PHF21A: variants seen among roughly 807,000 people sequenced by gnomAD.
The protein encoded by PHF21A is BHC80a.
In PHF21A, 11 loss-of-function variants were observed where a neutral mutation model predicts 82.5. That is an observed-to-expected ratio of 0.13 (90% CI 0.08 to 0.22). PHF21A has a LOEUF of 0.22. Among genes scored for constraint, PHF21A ranks in the 10% least tolerant of loss-of-function variants. PHF21A has a pLI of 1.00. For missense variants in PHF21A, 579 were observed against 837.8 expected (o/e 0.69, Z 3.81); for synonymous variants, 297 against 302.8 (o/e 0.98, Z 0.20).
intron 1 of PHF21A, among the ~76,000 whole-genome samples, chr11:46,114,780 A>G (rs2136107050): frequency 6.6e-6 from 1 of 152,336 alleles, no homozygotes; most frequent in Admixed American, 6.5e-5. Context: ...ATGGTTAACA[A>G]TACTTGGATC....
chr11:45,946,230 G>A lies in PHF21A; in HGVS notation c.1289-227C>T, dbSNP rs1028060707. 25 of 955,218 alleles carry A rather than the reference G, an allele frequency of 2.6e-5. No homozygotes were observed. The South Asian group carries it at 3.1e-4, about 12-fold the overall frequency. The allele number at this position is 955,218 out of a possible 1,614,324, so 59.2% of individuals were successfully genotyped here. Reference sequence around the variant, plus strand: ...TCTCAAGAGAAGGGAGGATAAGAGAGCTCTGGAGAATGACAGAAGGTGCTG... The same window carrying A: ...TCTCAAGAGAAGGGAGGATAAGAGAACTCTGGAGAATGACAGAAGGTGCTG... On this transcript the variant is annotated intron_variant, in intron 14 of 18. Transcript: ENST00000676320.
At chr11:46,013,469 A>C (rs61882514) in intron 6 of PHF21A, among the ~76,000 whole-genome samples, 19,418 of 152,138 alleles carry the variant, frequency 0.13, 1,569 homozygotes, top group African/African-American at 0.24. Flanking sequence ...TTTGGGCCTC[A>C]GCTGACCGTG....
intron 6 of PHF21A, among the ~76,000 whole-genome samples, chr11:46,040,776 C>T (rs2096118476): frequency 6.6e-6 from 1 of 152,042 alleles, no homozygotes; most frequent in Non-Finnish European, 1.5e-5. Context: ...TCTTATAACA[C>T]TGATTCTTTC....
intron 7 of PHF21A, 152 bp downstream of exon 7, chr11:45,979,608 T>C: frequency 9.7e-7 from 1 of 1,033,804 alleles, no homozygotes; most frequent in Non-Finnish European, 1.4e-6. Context: ...CAAGTGATAC[T>C]TATCTGGGTT....
intron 6 of PHF21A, among the ~76,000 whole-genome samples, chr11:46,008,856 C>G (rs2095354480): frequency 6.6e-6 from 1 of 152,082 alleles, no homozygotes; most frequent in Admixed American, 6.6e-5. Flanking sequence ...TCAACCCTAT[C>G]CACTCCCATT....
At position 45,979,823 on chromosome 11, in the gene PHF21A, C is replaced by T. The variant is rs1304997314; in HGVS notation, c.297G>A (p.Gln99=). The change falls in exon 7 of 19, where the codon CAG becomes CAA. Residue 99 remains glutamine, a synonymous_variant. Transcript: ENST00000676320. Reference sequence around the variant, plus strand: ...GCTGGGCGTGGTGGTGGTGGTACTGCTGCTGTTGTTGTAGTTGCTGTAGTG... The same window carrying T: ...GCTGGGCGTGGTGGTGGTGGTACTGTTGCTGTTGTTGTAGTTGCTGTAGTG... ...QQPLQQLQQQ[Q]QYHHHHAQQS... 1 of 1,614,046 alleles carries T rather than the reference C, an allele frequency of 6.2e-7. No homozygotes were observed. The highest frequency in any genetic ancestry group is 8.5e-7 in the Non-Finnish European group (1 of 1,180,018).
At chr11:46,017,506 T>C (rs1194385508) in intron 6 of PHF21A, among the ~76,000 whole-genome samples, 2 of 152,006 alleles carry the variant, frequency 1.3e-5, no homozygotes, top group Non-Finnish European at 2.9e-5. Context: ...GGTAGGAAGC[T>C]ATTTGTAAGC....
chr11:46,035,815 A>AAG lies in PHF21A; in HGVS notation c.153+40937_153+40938dup, dbSNP rs754100665. On this transcript the variant is annotated intron_variant, in intron 6 of 18. Transcript: ENST00000676320. ...TGTGAGAAAAGTTAGAGTTTGAAGA[A>AAG]AGAGAGAGAGAAAAGAGAGGTTGGA... Among the ~76,000 whole-genome samples, 21 of 152,284 alleles carry AAG rather than the reference A, an allele frequency of 1.4e-4. No homozygotes were observed. In the South Asian group the frequency reaches 1.5e-3, roughly 11 times the overall value.
At chr11:46,090,172 A>G (rs2096907473) in intron 3 of PHF21A, among the ~76,000 whole-genome samples, 2 of 152,066 alleles carry the variant, frequency 1.3e-5, no homozygotes, top group Non-Finnish European at 2.9e-5. Context: ...GGAGTAAGGT[A>G]TGAGAGCATA....
At chr11:45,971,082 T>A in intron 8 of PHF21A, 34 bp downstream of exon 8, 1 of 1,611,454 alleles carries the variant, frequency 6.2e-7, no homozygotes, top group Non-Finnish European at 8.5e-7. Flanking sequence ...AACCTTCTCA[T>A]GTGATCACAC....
intron 9 of PHF21A, among the ~76,000 whole-genome samples, chr11:45,968,063 C>A (rs2093554606): frequency 6.6e-6 from 1 of 152,280 alleles, no homozygotes; most frequent in Admixed American, 6.5e-5. Flanking sequence ...TACCTATTTG[C>A]ATAGGGTTGT....
intron 1 of PHF21A, among the ~76,000 whole-genome samples, chr11:46,120,040 T>C (rs972965281): frequency 6.8e-6 from 1 of 147,500 alleles, no homozygotes; most frequent in Non-Finnish European, 1.5e-5. Flanking sequence ...GCAGGCAGAC[T>C]CTCCGGAATA....
chr11:46,094,888 G>A (rs2096973379), intron 1 of PHF21A, among the ~76,000 whole-genome samples: 1 of 152,122 alleles, frequency 6.6e-6, no homozygotes, highest in African/African-American at 2.4e-5. Context: ...GACAGAGTGA[G>A]TCTCCGTCCC....
chr11:46,050,917 C>T (rs965871210), intron 6 of PHF21A, among the ~76,000 whole-genome samples: 4 of 152,076 alleles, frequency 2.6e-5, no homozygotes, highest in Non-Finnish European at 4.4e-5. Context: ...AGTTAATCTG[C>T]TTGTATGCTA....
intron 6 of PHF21A, among the ~76,000 whole-genome samples, chr11:46,071,641 A>G (rs1441594369): frequency 1.3e-5 from 2 of 152,208 alleles, no homozygotes; most frequent in Admixed American, 1.3e-4. Flanking sequence ...ACATCCAGTC[A>G]TCACACATCT....
chr11:46,062,997 C>T (rs1204911872), intron 6 of PHF21A, among the ~76,000 whole-genome samples: 1 of 152,172 alleles, frequency 6.6e-6, no homozygotes, highest in Admixed American at 6.5e-5. Context: ...GATGCATATG[C>T]TCATCTTGAT....
chr11:45,996,075 C>G lies in PHF21A; in HGVS notation c.154-16109G>C, dbSNP rs11603659. On this transcript the variant is annotated intron_variant, in intron 6 of 18. Coordinates refer to ENST00000676320, the MANE Select transcript of PHF21A (RefSeq NM_001352027.3). Reference sequence around the variant, plus strand: ...CCTCCCACCTCAGTCTCCCAAGTAGCTAGAGCTACAGGCATACACCACCAA... The same window carrying G: ...CCTCCCACCTCAGTCTCCCAAGTAGGTAGAGCTACAGGCATACACCACCAA... Among the ~76,000 whole-genome samples, 806 of 152,206 alleles carry G rather than the reference C, an allele frequency of 5.3e-3. 2 individuals carry two copies. Among genetic ancestry groups the G allele is most frequent in the Non-Finnish European group, 9.8e-3 (667 of 68,010 alleles).
At chr11:46,007,988 A>G (rs566259090) in intron 6 of PHF21A, among the ~76,000 whole-genome samples, 6 of 152,198 alleles carry the variant, frequency 3.9e-5, no homozygotes, top group Non-Finnish European at 8.8e-5. Flanking sequence ...TGGGATTACC[A>G]TGCTCCAGAT....
chr11:45,949,008 C>T (rs1476817985), intron 13 of PHF21A, 62 bp from the exon 14 acceptor site: 1 of 1,279,522 alleles, frequency 7.8e-7, no homozygotes, highest in East Asian at 2.3e-5. Flanking sequence ...AATACTGGCA[C>T]AAGCTAAAGA....
Sources: allele counts gnomAD v4.1 joint callset (sites outside exome capture counted in the v4.1 genomes callset), GRCh38; gene constraint gnomAD v4.1.1; transcripts MANE v1.5; gene names NCBI Gene and HGNC (gene_info 2026-07-23, HGNC 2026-07-21).